SLC37A1: variants seen among roughly 807,000 people sequenced by gnomAD.
SLC37A1 encodes solute carrier family 37 member 1, also known as glucose-6-phosphate exchanger SLC37A1.
A neutral mutation model predicts 75.3 loss-of-function variants in SLC37A1; 49 were observed. The ratio of observed to expected loss-of-function variants is 0.65; its 90% CI spans 0.52 to 0.83. The LOEUF (loss-of-function observed/expected upper bound fraction) is 0.83. SLC37A1 is among the 40% of genes least tolerant of loss of function. The probability of loss-of-function intolerance (pLI) is 0.00; values close to 1 mark genes in which losing one functional copy is unlikely to be tolerated. For synonymous variants in SLC37A1, 268 were observed against 292.1 expected (o/e 0.92, Z 0.84); for missense variants, 566 against 695.0 (o/e 0.81, Z 2.09).
intron 8 of SLC37A1, among the ~76,000 whole-genome samples, chr21:42,546,802 G>T (rs2055418146): frequency 6.6e-6 from 1 of 152,214 alleles, no homozygotes; most frequent in Admixed American, 6.5e-5. Flanking sequence ...ATGGCATCTT[G>T]TGTTTTATTA....
intron 17 of SLC37A1, among the ~76,000 whole-genome samples, chr21:42,572,893 C>T (rs1341760641): frequency 6.6e-6 from 1 of 152,118 alleles, no homozygotes; most frequent in Non-Finnish European, 1.5e-5. Context: ...CATCACTTCC[C>T]ATGGAAGAAG....
chr21:42,578,114 G>A lies in SLC37A1; in HGVS notation c.1522-1622G>A, dbSNP rs550331347. Among the ~76,000 whole-genome samples, 18 of 152,310 alleles carry A rather than the reference G, an allele frequency of 1.2e-4. No homozygotes were observed. In the South Asian group the frequency reaches 3.7e-3, roughly 32 times the overall value. ...AGACAAGTGTTTCCTCCCGAGTCTG[G>A]AGCTGAGAACCTCCATGATCTGAGC... On this transcript the variant is annotated intron_variant, in intron 18 of 19. Coordinates refer to ENST00000352133, the MANE Select transcript of SLC37A1 (RefSeq NM_001320537.2).
chr21:42,514,090 CCTTTT>C lies in SLC37A1; in HGVS notation c.-800_-796del, dbSNP rs2054475841. On this transcript the variant is annotated 5_prime_UTR_variant, in exon 1 of 20. Coordinates refer to ENST00000352133, the MANE Select transcript of SLC37A1 (RefSeq NM_001320537.2). The surrounding 1 kb of genome is among the most constrained non-coding windows in gnomAD (Gnocchi z 4.8). ...CACTCGGAGCTCGGCTCCTCTCCTT[CCTTTT>C]CTTTTTTTTCGGGGGGAGGTGGGGG... 6.6e-6 allele frequency: 1 copy of C among 150,906 alleles called. No individual in the cohort carries two copies. Among genetic ancestry groups the C allele is most frequent in the African/African-American group, 2.4e-5 (1 of 41,164 alleles). 9.3% of individuals were successfully genotyped at this position (150,906 alleles called of 1,614,324 possible).
At chr21:42,539,474 T>G in intron 5 of SLC37A1, 38 bp from the exon 6 acceptor site, 2 of 1,584,906 alleles carry the variant, frequency 1.3e-6, no homozygotes, top group Non-Finnish European at 1.7e-6. Context: ...TCGGGCGTGT[T>G]TGTTATTCCT....
rs1255675230 is a variant in SLC37A1 at position 42,552,808 on chromosome 21, C to T, written c.769-1254C>T. On this transcript the variant is annotated intron_variant, in intron 9 of 19. Transcript: ENST00000352133. This position sits in a 1 kb window ranked among gnomAD's most constrained non-coding sequence, Gnocchi z 4.2. The stretch of plus-strand genomic sequence containing the variant: ...GCTGAAAAGCAGGAAGAAGAGGGCC[C>T]GGGTGATGCTGGCAGCCTCTGCTCA... Among the ~76,000 whole-genome samples, 4 of 152,254 alleles carry T rather than the reference C, an allele frequency of 2.6e-5. No homozygotes were observed. Among genetic ancestry groups the T allele is most frequent in the East Asian group, 3.9e-4 (2 of 5,188 alleles).
At chr21:42,554,242 T>A in intron 10 of SLC37A1, 100 bp downstream of exon 10, 1 of 1,002,888 alleles carries the variant, frequency 1.0e-6, no homozygotes, top group Non-Finnish European at 1.5e-6. Context: ...GTGACATGTG[T>A]CACAAACATC....
chr21:42,517,651 C>G (rs146671458), intron 1 of SLC37A1, among the ~76,000 whole-genome samples: 384 of 152,272 alleles, frequency 2.5e-3, no homozygotes, highest in African/African-American at 8.8e-3. Context: ...TCTGGCCTCC[C>G]TCCCCATTCC....
Position 42,562,162 on chromosome 21 carries a change from A to C in SLC37A1, c.1066A>C (p.Asn356His), listed in dbSNP as rs771382208. 69 of 1,613,960 alleles carry C rather than the reference A, an allele frequency of 4.3e-5. No individual in the cohort carries two copies. The Middle Eastern group carries it at 9.9e-4, about 23-fold the overall frequency. The change falls in exon 12 of 20, where the codon AAT (asparagine) becomes CAT (histidine). Residue 356 changes from asparagine to histidine, a missense_variant. Coordinates refer to ENST00000352133, the MANE Select transcript of SLC37A1 (RefSeq NM_001320537.2). ...FLFWLPLYIT[N>H]VDHLDAKKAG... ...CTTCTGGCTGCCCCTGTACATCACG[A>C]ATGTGGGTGAGTATCCACGCTAGAA...
At chr21:42,563,477 C>T (rs916595890) in intron 12 of SLC37A1, among the ~76,000 whole-genome samples, 15 of 91,488 alleles carry the variant, frequency 1.6e-4, no homozygotes, top group South Asian at 2.5e-4. Flanking sequence ...GTTCTAAAGC[C>T]GTGTGACAGG....
intron 2 of SLC37A1, among the ~76,000 whole-genome samples, chr21:42,505,239 C>A (rs117367374): frequency 1.7e-4 from 26 of 152,318 alleles, no homozygotes; most frequent in Non-Finnish European, 3.4e-4. Context: ...CACTAAGTCC[C>A]TCCCCAGCCT....
chr21:42,533,971 G>T (rs1320191750), intron 3 of SLC37A1, among the ~76,000 whole-genome samples: 1 of 152,156 alleles, frequency 6.6e-6, no homozygotes, highest in African/African-American at 2.4e-5. Context: ...TTAAATTGAG[G>T]TATGATTTAC....
chr21:42,563,440 C>T (rs771327114), intron 12 of SLC37A1, among the ~76,000 whole-genome samples: 8 of 152,124 alleles, frequency 5.3e-5, no homozygotes, highest in African/African-American at 9.7e-5. Context: ...GAGCTGGTGC[C>T]GGGAGGCCTC....
chr21:42,524,705 T>C (rs56358252), intron 2 of SLC37A1, among the ~76,000 whole-genome samples: 22,786 of 152,252 alleles, frequency 0.15, 1,796 homozygotes, highest in Non-Finnish European at 0.18. Context: ...GCATCTCGAG[T>C]CCCAGGTTTC....
rs545667421 is a variant in SLC37A1, at chr21:42,548,174, C to T, written c.768+1034C>T. ...GGCCTCCTCTCTCCTTGTCTGCCCG[C>T]TCACTGCAGGAGAGCGCGCTCGGGC... On this transcript the variant is annotated intron_variant, in intron 9 of 19. Coordinates refer to ENST00000352133, the MANE Select transcript of SLC37A1 (RefSeq NM_001320537.2). This position sits in a 1 kb window ranked among gnomAD's most constrained non-coding sequence, Gnocchi z 5.6. 1.3e-5 allele frequency among the ~76,000 whole-genome samples: 2 copies of T among 152,280 alleles called. No homozygotes were observed. The highest frequency in any genetic ancestry group is 1.3e-4 in the Admixed American group (2 of 15,306).
rs553225861 is a variant in SLC37A1, at chr21:42,548,554, C to T, written c.768+1414C>T. Reference sequence around the variant, plus strand: ...TGTGGAATGGAAACCCTCTCACCTCCTCCGCCTCTACCACCCTGGTCCCCG... The same window carrying T: ...TGTGGAATGGAAACCCTCTCACCTCTTCCGCCTCTACCACCCTGGTCCCCG... On this transcript the variant is annotated intron_variant, in intron 9 of 19. Coordinates refer to ENST00000352133, the MANE Select transcript of SLC37A1 (RefSeq NM_001320537.2). This position sits in a 1 kb window ranked among gnomAD's most constrained non-coding sequence, Gnocchi z 5.6. Among the ~76,000 whole-genome samples the T allele has an allele frequency of 6.6e-6, 1 of 152,312 alleles. No homozygotes were observed. Among genetic ancestry groups the T allele is most frequent in the East Asian group, 1.9e-4 (1 of 5,166 alleles).
At chr21:42,579,852 C>A (rs2147082472) in intron 19 of SLC37A1, 52 bp downstream of exon 19, 1 of 1,576,868 alleles carries the variant, frequency 6.3e-7, no homozygotes, top group Non-Finnish European at 8.7e-7. Flanking sequence ...CTCCAAAGTG[C>A]CTTCTGTCCT....
intron 5 of SLC37A1, among the ~76,000 whole-genome samples, chr21:42,535,945 A>T (rs996557450): frequency 2.0e-5 from 3 of 152,256 alleles, no homozygotes; most frequent in Non-Finnish European, 4.4e-5. Flanking sequence ...ATCTGTTTAT[A>T]TGCCCCAAAT....
intron 18 of SLC37A1, chr21:42,575,602 C>G (rs17115186): frequency 2.0e-6 from 2 of 985,304 alleles, no homozygotes; most frequent in African/African-American, 1.7e-5. Flanking sequence ...GGGGTGCATA[C>G]ACATCTTTAC....
At chr21:42,537,891 G>A (rs973065013) in intron 5 of SLC37A1, among the ~76,000 whole-genome samples, 4 of 152,150 alleles carry the variant, frequency 2.6e-5, no homozygotes, top group Non-Finnish European at 5.9e-5. Flanking sequence ...CTCAGTGATG[G>A]GTGCTGTTTT....
Sources: gnomAD v4.1 joint callset for allele counts (sites outside exome capture counted in the v4.1 genomes callset) on GRCh38, gnomAD v4.1.1 for gene constraint, Gnocchi (gnomAD v3.1) non-coding constraint, MANE v1.5 for transcripts, NCBI Gene and HGNC (gene_info 2026-07-23, HGNC 2026-07-21) for gene names.